The following SWT1 variants were observed in gnomAD, a reference collection of about 807,000 sequenced individuals.
The protein encoded by SWT1 is transcriptional protein SWT1.
A neutral mutation model predicts 107.3 loss-of-function variants in SWT1; 33 were observed. That is an observed-to-expected ratio of 0.31 (90% CI 0.23 to 0.41). SWT1 has a LOEUF of 0.41. Ranked by LOEUF, SWT1 falls within the 10% of genes least tolerant of loss-of-function variation. The probability of loss-of-function intolerance (pLI) is 1.00; values close to 1 mark genes in which losing one functional copy is unlikely to be tolerated. For synonymous variants in SWT1, 345 were observed against 348.3 expected (o/e 0.99, Z 0.11); for missense variants, 898 against 1,028.9 (o/e 0.87, Z 1.74).
At chr1:185,274,610 T>G (rs1269217821) in intron 17 of SWT1, among the ~76,000 whole-genome samples, 1 of 152,208 alleles carries the variant, frequency 6.6e-6, no homozygotes, top group Non-Finnish European at 1.5e-5. Context: ...CCTTTGCCTT[T>G]TCTTGAATTT....
chr1:185,268,881 G>C (rs1332393122), intron 16 of SWT1, among the ~76,000 whole-genome samples: 1 of 138,090 alleles, frequency 7.2e-6, no homozygotes, highest in Non-Finnish European at 1.5e-5. Flanking sequence ...GAGACGGAGT[G>C]TCGCTCTTTT....
chr1:185,251,008 G>A (rs531283774), intron 16 of SWT1, among the ~76,000 whole-genome samples: 1 of 152,224 alleles, frequency 6.6e-6, no homozygotes, highest in Non-Finnish European at 1.5e-5. Context: ...ACTTATATAG[G>A]CTATCTCTAG....
chr1:185,268,709 T>A (rs898416065), intron 16 of SWT1, among the ~76,000 whole-genome samples: 7 of 152,316 alleles, frequency 4.6e-5, no homozygotes, highest in African/African-American at 1.7e-4. Flanking sequence ...ATGTTAAACT[T>A]ACTAGCCTCA....
intron 2 of SWT1, among the ~76,000 whole-genome samples, chr1:185,163,339 CAAGA>C (rs1319454369): frequency 6.6e-6 from 1 of 151,352 alleles, no homozygotes; most frequent in East Asian, 2.0e-4. Context: ...AAATCAATCT[CAAGA>C]AACCAGTTTC....
intron 3 of SWT1, among the ~76,000 whole-genome samples, chr1:185,167,389 T>G (rs1481259678): frequency 1.3e-5 from 2 of 152,216 alleles, no homozygotes; most frequent in African/African-American, 4.8e-5. Context: ...TTAGTGGTAA[T>G]GTACTTAGAA....
At chr1:185,257,563 C>A (rs562407997) in intron 16 of SWT1, among the ~76,000 whole-genome samples, 9 of 152,348 alleles carry the variant, frequency 5.9e-5, no homozygotes, top group East Asian at 1.9e-4. Context: ...TCTGTCACCC[C>A]TTTCTTTGAC....
At chr1:185,206,514 C>A (rs1408395783) in intron 12 of SWT1, 111 bp from the exon 13 acceptor site, 8 of 549,502 alleles carry the variant, frequency 1.5e-5, no homozygotes, top group Non-Finnish European at 2.3e-5. Flanking sequence ...TAAAAAGAAT[C>A]CAACTAATTA....
chr1:185,245,821 C>T (rs148813477), intron 16 of SWT1, among the ~76,000 whole-genome samples: 1,567 of 151,650 alleles, frequency 0.01, 13 homozygotes, highest in South Asian at 0.017. Context: ...CAGGCTGGAG[C>T]ACAGTGGTGT....
At chr1:185,169,953 C>T (rs1261438617) in intron 4 of SWT1, among the ~76,000 whole-genome samples, 2 of 152,062 alleles carry the variant, frequency 1.3e-5, no homozygotes, top group South Asian at 2.1e-4. Context: ...AAAGAAACTG[C>T]CTTCTCTGAA....
At chr1:185,255,147 G>A (rs1295713030) in intron 16 of SWT1, among the ~76,000 whole-genome samples, 1 of 152,174 alleles carries the variant, frequency 6.6e-6, no homozygotes, top group Non-Finnish European at 1.5e-5. Flanking sequence ...CTGAGAGACA[G>A]TTTGTTATAA....
chr1:185,223,295 C>T (rs1390383553), intron 15 of SWT1, among the ~76,000 whole-genome samples: 1 of 151,964 alleles, frequency 6.6e-6, no homozygotes, highest in East Asian at 1.9e-4. Context: ...TCATGGCTCA[C>T]TGCAGTGACC....
intron 15 of SWT1, among the ~76,000 whole-genome samples, chr1:185,225,093 C>T (rs1659951219): frequency 6.6e-6 from 1 of 152,182 alleles, no homozygotes; most frequent in African/African-American, 2.4e-5. Flanking sequence ...TATGCTCCTT[C>T]TGTATCTAAT....
At chr1:185,186,184 G>T (rs1158154607) in intron 9 of SWT1, among the ~76,000 whole-genome samples, 1 of 152,112 alleles carries the variant, frequency 6.6e-6, no homozygotes, top group Non-Finnish European at 1.5e-5. Flanking sequence ...TAATTCTCTT[G>T]TGTCCTCATT....
intron 18 of SWT1, among the ~76,000 whole-genome samples, chr1:185,286,418 G>C (rs535050408): frequency 1.3e-5 from 2 of 152,026 alleles, no homozygotes; most frequent in Non-Finnish European, 2.9e-5. Context: ...TAGAGACGGG[G>C]TTTCACCATG....
intron 12 of SWT1, 110 bp downstream of exon 12, chr1:185,204,973 A>G: frequency 1.7e-6 from 1 of 586,918 alleles, no homozygotes. Context: ...AATAATCTGT[A>G]TCATGTTACA....
At position 185,197,791 on chromosome 1, in the gene SWT1, T is replaced by C. The variant is rs140801376; in HGVS notation, c.1524-4863T>C. ...GATGGTAGTTTGTATTTCTGTGGGA[T>C]GGGTGGTGATATCCCCTTTATCATT... On this transcript the variant is annotated intron_variant, in intron 10 of 18. Transcript: ENST00000367500. Among the ~76,000 whole-genome samples, 894 of 152,304 alleles carry C rather than the reference T, an allele frequency of 5.9e-3. 32 individuals carry two copies. The East Asian group carries it at 0.095, about 16-fold the overall frequency.
chr1:185,162,855 G>A (rs904121818), intron 2 of SWT1, among the ~76,000 whole-genome samples: 1 of 151,664 alleles, frequency 6.6e-6, no homozygotes, highest in Admixed American at 6.6e-5. Context: ...ATAGGCTCAG[G>A]CGGGAGGATC....
intron 10 of SWT1, among the ~76,000 whole-genome samples, chr1:185,194,904 C>A (rs1013867922): frequency 6.6e-6 from 1 of 152,086 alleles, no homozygotes; most frequent in Admixed American, 6.6e-5. Context: ...TGACTCTTGG[C>A]AGTATGTTGT....
intron 10 of SWT1, 54 bp downstream of exon 10, chr1:185,190,696 TA>T (rs1370126646): frequency 3.5e-6 from 4 of 1,139,888 alleles, no homozygotes; most frequent in Non-Finnish European, 5.1e-6. Flanking sequence ...CCAAATAATT[TA>T]AAAAAATCAT....
Sources: gnomAD v4.1 joint callset for allele counts (sites outside exome capture counted in the v4.1 genomes callset) on GRCh38, gnomAD v4.1.1 for gene constraint, MANE v1.5 for transcripts, NCBI Gene and HGNC (gene_info 2026-07-23, HGNC 2026-07-21) for gene names.